Variants in RAPGEF2 observed in about 807,000 individuals in gnomAD.
RAPGEF2 encodes Rap guanine nucleotide exchange factor 2.
A neutral mutation model predicts 186.7 loss-of-function variants in RAPGEF2; 54 were observed. That is an observed-to-expected ratio of 0.29 (90% CI 0.23 to 0.36). The LOEUF is 0.36. Among genes scored for constraint, RAPGEF2 ranks in the 10% least tolerant of loss-of-function variants. RAPGEF2 has a pLI of 1.00. For synonymous variants in RAPGEF2, 712 were observed against 705.9 expected (o/e 1.01, Z -0.14); for missense variants, 1,532 against 2,045.0 (o/e 0.75, Z 4.84).
At chr4:159,237,521 G>A (rs768461217) in intron 4 of RAPGEF2, among the ~76,000 whole-genome samples, 3 of 151,964 alleles carry the variant, frequency 2.0e-5, no homozygotes, top group Non-Finnish European at 2.9e-5. Context: ...TTCCTCTTAC[G>A]TGACTTGGCT....
intron 25 of RAPGEF2, among the ~76,000 whole-genome samples, chr4:159,348,238 A>ATG (rs1561329802): frequency 6.3e-5 from 8 of 126,006 alleles, no homozygotes; most frequent in African/African-American, 2.3e-4. Flanking sequence ...ATAGATAGAT[A>ATG]GATAGATGGA....
chr4:159,204,737 A>T (rs28667007), intron 3 of RAPGEF2, among the ~76,000 whole-genome samples: 2,365 of 152,254 alleles, frequency 0.016, 72 homozygotes, highest in African/African-American at 0.054. Context: ...TATTGAAATG[A>T]AATCAGTTGT....
intron 4 of RAPGEF2, among the ~76,000 whole-genome samples, chr4:159,234,670 C>T (rs12186214): frequency 6.6e-6 from 1 of 151,672 alleles, no homozygotes; most frequent in African/African-American, 2.4e-5. Context: ...GTTTATTGGC[C>T]AGTCTGGTCT....
Position 159,330,431 on chromosome 4 carries a change from T to G in RAPGEF2, c.1400T>G (p.Leu467Arg). Residue 467 changes from leucine to arginine, a missense_variant, in exon 13 of 30, where the codon CTT becomes CGT. Coordinates refer to ENST00000691494, the MANE Select transcript of RAPGEF2 (RefSeq NM_001394067.2). Reference sequence around the variant, plus strand: ...TTTCTGTTGACCTATAGGACTTTTCTTTCTAGCCCAATGGAAGTGGGCAAA... The same window carrying G: ...TTTCTGTTGACCTATAGGACTTTTCGTTCTAGCCCAATGGAAGTGGGCAAA... ...EDFLLTYRTFLSSPMEVGKKL... is the reference protein window; with the variant it reads ...EDFLLTYRTFRSSPMEVGKKL... The G allele has an allele frequency of 6.2e-7, 1 of 1,608,784 alleles. No individual in the cohort carries two copies. Among genetic ancestry groups the G allele is most frequent in the East Asian group, 2.2e-5 (1 of 44,726 alleles).
intron 1 of RAPGEF2, among the ~76,000 whole-genome samples, chr4:159,173,373 A>C (rs149619437): frequency 6.6e-6 from 1 of 152,140 alleles, no homozygotes; most frequent in Non-Finnish European, 1.5e-5. Context: ...TGTACAGTGA[A>C]TGTTCAAAAT....
intron 1 of RAPGEF2, among the ~76,000 whole-genome samples, chr4:159,107,846 A>G (rs1017408924): frequency 1.3e-5 from 2 of 152,232 alleles, no homozygotes; most frequent in African/African-American, 4.8e-5. Context: ...TGTGTCTGTT[A>G]TAGTTAAATT....
chr4:159,155,728 A>T (rs1345627416), intron 1 of RAPGEF2, among the ~76,000 whole-genome samples: 1 of 151,216 alleles, frequency 6.6e-6, no homozygotes, highest in Non-Finnish European at 1.5e-5. Flanking sequence ...GACCTCTGCC[A>T]TTTAATTAGT....
chr4:159,332,198 A>C (rs1468907190), intron 16 of RAPGEF2, among the ~76,000 whole-genome samples, 164 bp downstream of exon 16: 1 of 152,086 alleles, frequency 6.6e-6, no homozygotes, highest in Non-Finnish European at 1.5e-5. Flanking sequence ...TGATAACTGA[A>C]ATCTTTTATT....
At chr4:159,316,840 T>C (rs1009586791) in intron 9 of RAPGEF2, among the ~76,000 whole-genome samples, 5 of 151,970 alleles carry the variant, frequency 3.3e-5, no homozygotes, top group Non-Finnish European at 7.4e-5. Flanking sequence ...ATAGCAAGAG[T>C]TGGTTGTGTA....
chr4:159,243,701 T>G, intron 6 of RAPGEF2, 73 bp from the exon 7 acceptor site: 1 of 987,364 alleles, frequency 1.0e-6, no homozygotes, highest in Non-Finnish European at 1.4e-6. Flanking sequence ...TTGGCAGATG[T>G]AATATAGCAT....
chr4:159,286,701 G>A (rs781407684), intron 7 of RAPGEF2, among the ~76,000 whole-genome samples: 9 of 152,064 alleles, frequency 5.9e-5, no homozygotes, highest in Admixed American at 2.6e-4. Context: ...AGCCTTTTCC[G>A]TAGTTGTTTC....
chr4:159,254,007 C>G (rs577819299), intron 7 of RAPGEF2, among the ~76,000 whole-genome samples: 1 of 152,194 alleles, frequency 6.6e-6, no homozygotes, highest in Non-Finnish European at 1.5e-5. Flanking sequence ...GGAATAATTG[C>G]ACGTCTTTTC....
intron 1 of RAPGEF2, among the ~76,000 whole-genome samples, chr4:159,119,728 A>C (rs904467575): frequency 6.6e-6 from 1 of 152,292 alleles, no homozygotes; most frequent in Non-Finnish European, 1.5e-5. Flanking sequence ...CTAGTGGGTG[A>C]GCATTACGTG....
rs1292576810 is a variant in RAPGEF2 at position 159,171,468 on chromosome 4, C to CT, written c.70-15173dup. Among the ~76,000 whole-genome samples the CT allele has an allele frequency of 2.0e-5, 3 of 152,224 alleles. No individual in the cohort carries two copies. In the East Asian group the frequency reaches 5.8e-4, roughly 29 times the overall value. On this transcript the variant is annotated intron_variant, in intron 1 of 29. Transcript: ENST00000691494. ...CAAGCTGGTAAATGGCAGTCAGATA[C>CT]TGAACTCAGTCAGTGTTGCTCAAGT...
chr4:159,299,545 G>T (rs1269532621), intron 7 of RAPGEF2, among the ~76,000 whole-genome samples: 3 of 151,874 alleles, frequency 2.0e-5, no homozygotes, highest in Non-Finnish European at 2.9e-5. Flanking sequence ...TCAATAATTA[G>T]TAATTCAGGA....
chr4:159,255,063 CT>C (rs1328015635), intron 7 of RAPGEF2, among the ~76,000 whole-genome samples: 2 of 152,134 alleles, frequency 1.3e-5, no homozygotes, highest in Non-Finnish European at 2.9e-5. Flanking sequence ...TTACAGTTGT[CT>C]GCAGGATTCA....
At chr4:159,263,832 G>A (rs1439342088) in intron 7 of RAPGEF2, among the ~76,000 whole-genome samples, 6 of 151,986 alleles carry the variant, frequency 3.9e-5, no homozygotes, top group Non-Finnish European at 5.9e-5. Context: ...GAAAAAAAAA[G>A]AATATAATGA....
intron 4 of RAPGEF2, among the ~76,000 whole-genome samples, chr4:159,217,838 A>T (rs1751131934): frequency 6.6e-6 from 1 of 152,166 alleles, no homozygotes; most frequent in East Asian, 1.9e-4. Context: ...TGACGTTTTA[A>T]TATAGCCATT....
intron 1 of RAPGEF2, among the ~76,000 whole-genome samples, chr4:159,151,687 G>A (rs980327439): frequency 1.3e-5 from 2 of 152,164 alleles, no homozygotes; most frequent in African/African-American, 2.4e-5. Context: ...AGGGTGCTTG[G>A]GGAAGGTGTA....
Sources: gnomAD v4.1 joint callset for allele counts (sites outside exome capture counted in the v4.1 genomes callset) on GRCh38, gnomAD v4.1.1 for gene constraint, MANE v1.5 for transcripts, NCBI Gene and HGNC (gene_info 2026-07-23, HGNC 2026-07-21) for gene names.